Variants in AGMO observed in about 807,000 individuals in gnomAD.
The protein encoded by AGMO is glyceryl-ether monooxygenase.
Under a neutral mutation model 60.2 loss-of-function variants are expected in AGMO, and 75 were observed. The observed-to-expected ratio is 1.25, with a 90% confidence interval of 1.03 to 1.51. The LOEUF (loss-of-function observed/expected upper bound fraction) is 1.51. Among genes scored for constraint, AGMO ranks in the 40% most tolerant of loss-of-function variants. AGMO has a pLI of 0.00. For missense variants in AGMO, 763 were observed against 525.5 expected, an observed-to-expected ratio of 1.45 and a Z score of -4.42; for synonymous variants, 261 against 177.1, an observed-to-expected ratio of 1.47 and a Z score of -3.76.
At position 15,200,748 on chromosome 7, in the gene AGMO, C is replaced by A. The variant is rs1316671413; in HGVS notation, c.*537G>T. 1 of 152,422 alleles carries A rather than the reference C, an allele frequency of 6.6e-6. No individual in the cohort carries two copies. Among genetic ancestry groups the A allele is most frequent in the African/African-American group, 2.4e-5 (1 of 41,440 alleles). The allele number at this position is 152,422 out of a possible 1,614,324, so 9.4% of individuals were successfully genotyped here. A position where few individuals can be genotyped will look rare whatever the true frequency, so the allele number is the denominator to read the frequency against. ...GACCTCATGATCCGCCCACCTCAGC[C>A]CCACAAAGTGCTGGGATTACAGGGG... On this transcript the variant is annotated 3_prime_UTR_variant, in exon 13 of 13. Coordinates refer to ENST00000342526, the MANE Select transcript of AGMO (RefSeq NM_001004320.2).
intron 2 of AGMO, among the ~76,000 whole-genome samples, chr7:15,549,592 G>C (rs1175864067): frequency 1.3e-5 from 2 of 149,726 alleles, no homozygotes; most frequent in Non-Finnish European, 3.0e-5. Context: ...AATGGTAAAG[G>C]GATCAATTCA....
chr7:15,382,751 G>C (rs116189744), intron 10 of AGMO, among the ~76,000 whole-genome samples: 6 of 152,092 alleles, frequency 3.9e-5, no homozygotes, highest in African/African-American at 1.4e-4. Flanking sequence ...AAATTTAATT[G>C]AATATTCTGT....
At chr7:15,339,644 G>C (rs1781771874) in intron 12 of AGMO, among the ~76,000 whole-genome samples, 11 of 152,096 alleles carry the variant, frequency 7.2e-5, no homozygotes, top group Admixed American at 6.6e-4. Context: ...ATGTATTAAA[G>C]TTATATAGAC....
chr7:15,529,387 C>T (rs1325344669), intron 3 of AGMO, among the ~76,000 whole-genome samples: 1 of 149,450 alleles, frequency 6.7e-6, no homozygotes, highest in Admixed American at 6.8e-5. Context: ...TAAGTAGACA[C>T]TATTATTTAA....
downstream of AGMO, among the ~76,000 whole-genome samples, chr7:15,197,759 T>C (rs988883901): frequency 2.0e-5 from 3 of 152,218 alleles, no homozygotes; most frequent in Non-Finnish European, 4.4e-5. Flanking sequence ...CTGAGAACTT[T>C]TTTTGTATCT....
chr7:15,485,687 T>C (rs761207387), intron 3 of AGMO, among the ~76,000 whole-genome samples: 4 of 152,160 alleles, frequency 2.6e-5, no homozygotes, highest in Non-Finnish European at 5.9e-5. Flanking sequence ...GAAGAAAACG[T>C]AGATGACGAA....
intron 3 of AGMO, among the ~76,000 whole-genome samples, chr7:15,499,135 G>C (rs1480289506): frequency 3.3e-5 from 5 of 151,828 alleles, no homozygotes; most frequent in Non-Finnish European, 7.4e-5. Flanking sequence ...GGGAATGATA[G>C]ATAAAAACTC....
rs770933571 is a variant in AGMO, at chr7:15,418,603, A to T, written c.564T>A (p.Val188=). The T allele has an allele frequency of 3.8e-6, 6 of 1,588,790 alleles. No individual in the cohort carries two copies. Among genetic ancestry groups the T allele is most frequent in the Admixed American group, 3.7e-5 (2 of 53,854 alleles). ...ALFIPPSVYA[V]HLQFNLLYQF... is the part of the protein sequence containing the mutation. The stretch of plus-strand genomic sequence containing the variant: ...GGTAAAGAAGATTGAATTGAAGATG[A>T]ACAGCATATACTGAAGGGGGTATGA... The change falls in exon 5 of 13, where the codon GTT becomes GTA. Residue 188 remains valine, a synonymous_variant. Transcript: ENST00000342526.
intron 5 of AGMO, 114 bp downstream of exon 5, chr7:15,418,444 A>G (rs1257079948): frequency 1.4e-5 from 9 of 657,082 alleles, no homozygotes; most frequent in Non-Finnish European, 1.0e-5. Flanking sequence ...GTTTCTCCTT[A>G]GAAAAGGCAG....
rs1325485006 is a variant in AGMO at position 15,387,559 on chromosome 7, G to T, written c.823-19C>A. 6.4e-7 allele frequency: 1 copy of T among 1,563,512 alleles called. No homozygotes were observed. The highest frequency in any genetic ancestry group is 8.7e-7 in the Non-Finnish European group (1 of 1,155,136). On this transcript the variant is annotated intron_variant, in intron 8 of 12. Coordinates refer to ENST00000342526, the MANE Select transcript of AGMO (RefSeq NM_001004320.2). Reference sequence around the variant, plus strand: ...GATGGAACTAGAAACAATAAAAAAAGAGCTTATTTCACATAAGATAAATAG... The same window carrying T: ...GATGGAACTAGAAACAATAAAAAAATAGCTTATTTCACATAAGATAAATAG...
At chr7:15,180,117 C>T in the AGMO span, among the ~76,000 whole-genome samples, 1 of 152,156 alleles carries the variant, frequency 6.6e-6, no homozygotes, top group African/African-American at 2.4e-5. Flanking sequence ...ACCTGGCCCC[C>T]TTCTATCCAC....
chr7:15,316,984 C>A (rs1780945356), intron 12 of AGMO, among the ~76,000 whole-genome samples: 1 of 152,136 alleles, frequency 6.6e-6, no homozygotes, highest in Non-Finnish European at 1.5e-5. Context: ...GCAGGATGAA[C>A]ATAAGCAAAA....
chr7:15,315,769 A>C (rs1231356668), intron 12 of AGMO, among the ~76,000 whole-genome samples: 3 of 152,190 alleles, frequency 2.0e-5, no homozygotes, highest in African/African-American at 7.2e-5. Flanking sequence ...GATAAGAGGA[A>C]AAGTCTCTAT....
intron 12 of AGMO, among the ~76,000 whole-genome samples, chr7:15,247,704 C>T (rs968736739): frequency 3.3e-5 from 5 of 152,040 alleles, no homozygotes; most frequent in Non-Finnish European, 7.4e-5. Context: ...CCCAACATGA[C>T]TAAATTATAT....
chr7:15,162,264 T>C, the AGMO span, among the ~76,000 whole-genome samples: 1 of 152,160 alleles, frequency 6.6e-6, no homozygotes, highest in African/African-American at 2.4e-5. Flanking sequence ...TCTCAGGTAG[T>C]ATATTTATAG....
chr7:15,283,946 T>C (rs1016707746), intron 12 of AGMO, among the ~76,000 whole-genome samples: 3 of 151,832 alleles, frequency 2.0e-5, no homozygotes, highest in African/African-American at 7.3e-5. Context: ...ACTAGACAAA[T>C]ACATGAAAAT....
At chr7:15,447,944 G>A (rs986442559) in intron 3 of AGMO, among the ~76,000 whole-genome samples, 1 of 152,244 alleles carries the variant, frequency 6.6e-6, no homozygotes, top group Non-Finnish European at 1.5e-5. Flanking sequence ...AAACAGAATG[G>A]GGGGTTTTGT....
chr7:15,125,555 CCTCT>C, the AGMO span, among the ~76,000 whole-genome samples: 1 of 152,062 alleles, frequency 6.6e-6, no homozygotes, highest in African/African-American at 2.4e-5. Context: ...CTGTGGCAAT[CCTCT>C]CTATTTTTTT....
At chr7:15,332,331 A>T (rs1781523875) in intron 12 of AGMO, among the ~76,000 whole-genome samples, 2 of 152,112 alleles carry the variant, frequency 1.3e-5, no homozygotes, top group Non-Finnish European at 2.9e-5. Context: ...TAGACACTAA[A>T]TTGCAAGAAA....
Sources: allele counts gnomAD v4.1 joint callset (sites outside exome capture counted in the v4.1 genomes callset), GRCh38; gene constraint gnomAD v4.1.1; transcripts MANE v1.5; gene names NCBI Gene and HGNC (gene_info 2026-07-23, HGNC 2026-07-21).